The following ARHGAP26 variants were observed in gnomAD, a reference collection of about 807,000 sequenced individuals.
ARHGAP26 encodes Rho GTPase activating protein 26, also known as rho GTPase-activating protein 26.
Under a neutral mutation model 104.8 loss-of-function variants are expected in ARHGAP26, and 38 were observed. The ratio of observed to expected loss-of-function variants is 0.36; its 90% confidence interval spans 0.28 to 0.48. The LOEUF is 0.48. Among genes scored for constraint, ARHGAP26 ranks in the 20% least tolerant of loss-of-function variants. The probability of loss-of-function intolerance (pLI) is 0.99; values close to 1 mark genes in which losing one functional copy is unlikely to be tolerated. For missense variants in ARHGAP26, 704 were observed against 947.9 expected (o/e 0.74, Z 3.38); for synonymous variants, 341 against 340.0 (o/e 1.00, Z -0.03).
chr5:142,873,276 T>C (rs1755598110), intron 1 of ARHGAP26, 124 bp from the exon 2 acceptor site: 9 of 647,950 alleles, frequency 1.4e-5, no homozygotes, highest in Non-Finnish European at 2.4e-5. Flanking sequence ...CTTTTGTGCT[T>C]TGAAATGGAC....
intron 20 of ARHGAP26, 28 bp downstream of exon 20, chr5:143,147,409 C>A (rs200028591): frequency 6.2e-7 from 1 of 1,602,292 alleles, no homozygotes; most frequent in East Asian, 2.2e-5. Context: ...CTGCCTACCC[C>A]ACAAGGGCTT....
intron 17 of ARHGAP26, among the ~76,000 whole-genome samples, chr5:143,062,433 A>G (rs1786848801): frequency 6.6e-6 from 1 of 152,210 alleles, no homozygotes; most frequent in Admixed American, 6.5e-5. Flanking sequence ...ATTGTGGGGA[A>G]AATGCTTGGC....
At chr5:143,038,477 T>C (rs1008074211) in intron 13 of ARHGAP26, among the ~76,000 whole-genome samples, 1 of 152,120 alleles carries the variant, frequency 6.6e-6, no homozygotes, top group African/African-American at 2.4e-5. Flanking sequence ...TAGAAGTAGG[T>C]GACATTTCTG....
chr5:143,141,569 A>G (rs1798544575), intron 19 of ARHGAP26, among the ~76,000 whole-genome samples: 1 of 152,128 alleles, frequency 6.6e-6, no homozygotes, highest in South Asian at 2.1e-4. Flanking sequence ...CCCTAATTGC[A>G]CCTTTCATGT....
In ARHGAP26 at chr5:142,882,827, G is replaced by A. The variant is rs560455935; in HGVS notation, c.385-2471G>A. ...GTCCTTGAGCTGAAAGAAGAAACCC[G>A]AGCAATTATCTAATCATCCTCAATT... On this transcript the variant is annotated intron_variant, in intron 4 of 22. Coordinates refer to ENST00000645722, the MANE Select transcript of ARHGAP26 (RefSeq NM_001135608.3). Among the ~76,000 whole-genome samples the A allele has an allele frequency of 2.6e-5, 4 of 152,234 alleles. No homozygotes were observed. The East Asian group carries it at 5.8e-4, about 22-fold the overall frequency.
chr5:143,026,861 G>A (rs1781133151), intron 12 of ARHGAP26, among the ~76,000 whole-genome samples: 1 of 152,174 alleles, frequency 6.6e-6, no homozygotes, highest in South Asian at 2.1e-4. Context: ...AGGCAGTCCA[G>A]GCAAAGGATG....
At chr5:142,898,618 TTC>T (rs57549608) in intron 6 of ARHGAP26, among the ~76,000 whole-genome samples, 12 of 151,044 alleles carry the variant, frequency 7.9e-5, no homozygotes, top group Admixed American at 1.3e-4. Context: ...GTCAGTCTGA[TTC>T]TCTCTCTCTC....
intron 1 of ARHGAP26, among the ~76,000 whole-genome samples, chr5:142,829,242 CA>C (rs1194261311): frequency 1.3e-5 from 2 of 152,172 alleles, no homozygotes; most frequent in Non-Finnish European, 2.9e-5. Flanking sequence ...CCAGGTTGAC[CA>C]AATGTCCTAG....
At position 142,917,641 on chromosome 5, in the gene ARHGAP26, C is replaced by CTGAATAGGTG. The variant is rs565131963; in HGVS notation, c.1028+4350_1028+4359dup. Among the ~76,000 whole-genome samples, 88 of 152,346 alleles carry CTGAATAGGTG rather than the reference C, an allele frequency of 5.8e-4. 1 individual carries two copies. In the East Asian group the frequency reaches 0.016, roughly 27 times the overall value. On this transcript the variant is annotated intron_variant, in intron 10 of 22. Transcript: ENST00000645722. ...AGAGCACAGTGACAGGCACATGGCACTGAATAGGTGTTCCATGAATGGTTT... is the reference window on the plus strand; with the variant it reads ...AGAGCACAGTGACAGGCACATGGCACTGAATAGGTGTGAATAGGTGTTCCATGAATGGTTT...
chr5:142,994,685 C>A (rs915768769), intron 11 of ARHGAP26, among the ~76,000 whole-genome samples: 1 of 152,178 alleles, frequency 6.6e-6, no homozygotes, highest in Admixed American at 6.5e-5. Flanking sequence ...TAGGACAGAT[C>A]TTAGGTCTAG....
At chr5:142,927,900 C>T (rs888936177) in intron 10 of ARHGAP26, among the ~76,000 whole-genome samples, 1 of 152,126 alleles carries the variant, frequency 6.6e-6, no homozygotes, top group Non-Finnish European at 1.5e-5. Flanking sequence ...AATCACATTT[C>T]CCTCATAAGT....
intron 21 of ARHGAP26, among the ~76,000 whole-genome samples, chr5:143,212,592 A>T (rs1809650270): frequency 6.6e-6 from 1 of 151,914 alleles, no homozygotes; most frequent in African/African-American, 2.4e-5. Context: ...ATTTTCCCCC[A>T]CTTTCCCAAT....
At chr5:143,100,489 A>C (rs1328225165) in intron 17 of ARHGAP26, among the ~76,000 whole-genome samples, 2 of 152,250 alleles carry the variant, frequency 1.3e-5, no homozygotes, top group Non-Finnish European at 2.9e-5. Context: ...AAGTAGTTTT[A>C]CACCAACATC....
chr5:143,017,896 G>T (rs186713724), intron 12 of ARHGAP26, among the ~76,000 whole-genome samples: 1 of 152,148 alleles, frequency 6.6e-6, no homozygotes, highest in African/African-American at 2.4e-5. Context: ...GCTGGACAAA[G>T]GCTATGCATA....
rs550320335 is a variant in ARHGAP26, at chr5:143,162,313, G to T, written c.1988+14932G>T. ...CACACACACACACACACACACACAC[G>T]CAATCCCCTTTCCCATTTTTCCCTT... On this transcript the variant is annotated intron_variant, in intron 20 of 22. Coordinates refer to ENST00000645722, the MANE Select transcript of ARHGAP26 (RefSeq NM_001135608.3). Among the ~76,000 whole-genome samples the T allele has an allele frequency of 3.3e-5, 3 of 90,918 alleles. No individual in the cohort carries two copies. The East Asian group carries it at 7.3e-4, about 22-fold the overall frequency. 59.6% of individuals were successfully genotyped at this position (90,918 alleles called of 152,430 possible). A position where few individuals can be genotyped will look rare whatever the true frequency, so the allele number is the denominator to read the frequency against.
intron 6 of ARHGAP26, among the ~76,000 whole-genome samples, chr5:142,900,748 ATGT>A (rs1760209345): frequency 6.6e-6 from 1 of 152,154 alleles, no homozygotes; most frequent in Non-Finnish European, 1.5e-5. Flanking sequence ...ATAATAAGTA[ATGT>A]TTAACAGGTT....
intron 20 of ARHGAP26, among the ~76,000 whole-genome samples, chr5:143,173,513 A>G (rs560245743): frequency 6.6e-6 from 1 of 152,316 alleles, no homozygotes; most frequent in South Asian, 2.1e-4. Context: ...GCATTGTTTT[A>G]TTAGTAAGAG....
At chr5:143,029,924 C>G (rs1180247554) in intron 12 of ARHGAP26, among the ~76,000 whole-genome samples, 2 of 152,074 alleles carry the variant, frequency 1.3e-5, no homozygotes, top group East Asian at 3.9e-4. Context: ...TAGATTAGCT[C>G]CTCTCCTTTG....
intron 11 of ARHGAP26, among the ~76,000 whole-genome samples, chr5:142,979,642 GA>G: frequency 6.6e-6 from 1 of 152,358 alleles, no homozygotes; most frequent in Admixed American, 6.5e-5. Flanking sequence ...CACAATCAAG[GA>G]AAAAGGAAAA....
Sources: gnomAD v4.1 joint callset for allele counts (sites outside exome capture counted in the v4.1 genomes callset) on GRCh38, gnomAD v4.1.1 for gene constraint, MANE v1.5 for transcripts, NCBI Gene and HGNC (gene_info 2026-07-23, HGNC 2026-07-21) for gene names.